FNDC3B: variants seen among roughly 807,000 people sequenced by gnomAD.
FNDC3B encodes fibronectin type III domain-containing protein 3B.
FNDC3B carries 12 observed loss-of-function variants against 151.5 expected under a neutral mutation model. That is an observed-to-expected ratio of 0.08 (90% CI 0.05 to 0.13). FNDC3B has a LOEUF of 0.13. Among genes scored for constraint, FNDC3B ranks in the 10% least tolerant of loss-of-function variants. FNDC3B has a pLI of 1.00. For missense variants in FNDC3B, 1,214 were observed against 1,505.3 expected, an observed-to-expected ratio of 0.81 and a Z score of 3.20; for synonymous variants, 528 against 549.0, an observed-to-expected ratio of 0.96 and a Z score of 0.54.
intron 1 of FNDC3B, among the ~76,000 whole-genome samples, chr3:172,103,714 A>C (rs553791937): frequency 6.6e-6 from 1 of 152,300 alleles, no homozygotes; most frequent in East Asian, 1.9e-4. Flanking sequence ...TGTGGATTTA[A>C]ATGCTCCCGA....
intron 3 of FNDC3B, among the ~76,000 whole-genome samples, chr3:172,162,806 A>G (rs1722844209): frequency 1.3e-5 from 2 of 152,132 alleles, no homozygotes; most frequent in Non-Finnish European, 2.9e-5. Flanking sequence ...AGCTGTAATG[A>G]AATTCTGTGC....
At chr3:172,319,258 G>A (rs1731965472) in intron 11 of FNDC3B, among the ~76,000 whole-genome samples, 1 of 152,164 alleles carries the variant, frequency 6.6e-6, no homozygotes, top group Non-Finnish European at 1.5e-5. Flanking sequence ...CCATCCCTTG[G>A]TTCATTTGTA....
At position 172,146,831 on chromosome 3, in the gene FNDC3B, A is replaced by G. The variant is rs182151760; in HGVS notation, c.187+13285A>G. 5.3e-5 allele frequency among the ~76,000 whole-genome samples: 8 copies of G among 152,374 alleles called. No homozygotes were observed. The East Asian group carries it at 1.3e-3, about 26-fold the overall frequency. ...GTTATAAGCTTCTAAGTAATAAACA[A>G]GAACCATCAGACAGAAATATGAGTT... On this transcript the variant is annotated intron_variant, in intron 3 of 25. Transcript: ENST00000415807.
chr3:172,093,907 T>G (rs1008372125), intron 1 of FNDC3B, among the ~76,000 whole-genome samples: 2 of 152,226 alleles, frequency 1.3e-5, no homozygotes, highest in African/African-American at 4.8e-5. Flanking sequence ...TAAACAGCTG[T>G]ATTGAGATAT....
chr3:172,205,602 G>A (rs1725383702), intron 3 of FNDC3B, among the ~76,000 whole-genome samples: 1 of 152,174 alleles, frequency 6.6e-6, no homozygotes, highest in South Asian at 2.1e-4. Context: ...AATTACTACA[G>A]CACTACGGTT....
At chr3:172,186,597 T>C (rs1021373015) in intron 3 of FNDC3B, 57 of 632,292 alleles carry the variant, frequency 9.0e-5, no homozygotes, top group African/African-American at 8.9e-4. Flanking sequence ...TTTTTACTCT[T>C]ATTTTATAAA....
chr3:172,186,098 T>C (rs951312286), intron 3 of FNDC3B, among the ~76,000 whole-genome samples: 2 of 152,218 alleles, frequency 1.3e-5, no homozygotes, highest in Non-Finnish European at 2.9e-5. Context: ...ATTTCAAAAG[T>C]TGGGAAGCTT....
rs561380030 is a variant in FNDC3B, at chr3:172,040,941, G to T, written c.-29+1170G>T. ...TTCCAGGAGTGCGCGGTCGGAGTTGGAGCTTTTGGAATCTCAGCTCCCACC... is the reference window on the plus strand; with the variant it reads ...TTCCAGGAGTGCGCGGTCGGAGTTGTAGCTTTTGGAATCTCAGCTCCCACC... On this transcript the variant is annotated intron_variant, in intron 1 of 25. Coordinates refer to ENST00000415807, the MANE Select transcript of FNDC3B (RefSeq NM_022763.4). This position sits in a 1 kb window ranked among gnomAD's most constrained non-coding sequence, Gnocchi z 6.6. Among the ~76,000 whole-genome samples the T allele has an allele frequency of 6.6e-5, 10 of 152,304 alleles. No homozygotes were observed. In the South Asian group the frequency reaches 2.1e-3, roughly 32 times the overall value.
intron 2 of FNDC3B, among the ~76,000 whole-genome samples, chr3:172,121,751 A>G (rs972391315): frequency 6.6e-6 from 1 of 152,178 alleles, no homozygotes; most frequent in African/African-American, 2.4e-5. Flanking sequence ...GTAAGTATTT[A>G]AGACAGGGTC....
chr3:172,305,438 A>T (rs1367293967), intron 9 of FNDC3B, among the ~76,000 whole-genome samples: 1 of 152,184 alleles, frequency 6.6e-6, no homozygotes, highest in Non-Finnish European at 1.5e-5. Flanking sequence ...TTCCACAAGT[A>T]TGAGTTTGGC....
intron 3 of FNDC3B, among the ~76,000 whole-genome samples, chr3:172,169,174 T>G (rs1723166932): frequency 6.6e-6 from 1 of 152,144 alleles, no homozygotes; most frequent in Non-Finnish European, 1.5e-5. Context: ...ACGTCAGCAC[T>G]CGGTCATGTC....
intron 3 of FNDC3B, among the ~76,000 whole-genome samples, chr3:172,215,549 C>A (rs1337829344): frequency 2.0e-5 from 3 of 152,170 alleles, no homozygotes; most frequent in Non-Finnish European, 4.4e-5. Context: ...CATGGTGAAA[C>A]CCTGTCTCTA....
At chr3:172,149,387 A>T (rs935548152) in intron 3 of FNDC3B, among the ~76,000 whole-genome samples, 9 of 152,234 alleles carry the variant, frequency 5.9e-5, no homozygotes, top group Non-Finnish European at 1.0e-4. Flanking sequence ...CTTACCATTT[A>T]GTCTGGTTCC....
intron 3 of FNDC3B, among the ~76,000 whole-genome samples, chr3:172,209,594 C>T (rs993483293): frequency 2.6e-5 from 4 of 152,100 alleles, no homozygotes; most frequent in Non-Finnish European, 5.9e-5. Context: ...CACAGGCGGG[C>T]CTGGAAAAAG....
chr3:172,395,304 T>G (rs1434582322), intron 25 of FNDC3B, among the ~76,000 whole-genome samples: 1 of 152,240 alleles, frequency 6.6e-6, no homozygotes, highest in East Asian at 1.9e-4. Context: ...CTGATTATCA[T>G]TTCCTCTTAA....
chr3:172,388,429 T>C (rs1213951842), intron 25 of FNDC3B, among the ~76,000 whole-genome samples: 1 of 152,222 alleles, frequency 6.6e-6, no homozygotes, highest in African/African-American at 2.4e-5. Flanking sequence ...ATAATGTTTC[T>C]ATACTTATTA....
chr3:172,102,207 T>G (rs561972944), intron 1 of FNDC3B, among the ~76,000 whole-genome samples: 1 of 152,344 alleles, frequency 6.6e-6, no homozygotes, highest in South Asian at 2.1e-4. Flanking sequence ...AAATTATTTC[T>G]TTAGCCTTAG....
At chr3:172,196,514 G>C (rs915097357) in intron 3 of FNDC3B, among the ~76,000 whole-genome samples, 1 of 152,054 alleles carries the variant, frequency 6.6e-6, no homozygotes, top group Non-Finnish European at 1.5e-5. Flanking sequence ...CTTTTTCCTT[G>C]AGTTTAGAGT....
Position 172,112,542 on chromosome 3 carries a change from A to T in FNDC3B, c.63A>T (p.Gly21=), listed in dbSNP as rs1169495604. 1 of 1,614,038 alleles carries T rather than the reference A, an allele frequency of 6.2e-7. No individual in the cohort carries two copies. Among genetic ancestry groups the T allele is most frequent in the Admixed American group, 1.7e-5 (1 of 60,002 alleles). The change falls in exon 2 of 26, where the codon GGA becomes GGT. Residue 21 remains glycine, a synonymous_variant. Transcript: ENST00000415807. ...TGGAACTGCCACCATTGCTGAACGG[A>T]GAGGTAGCCATGATGCCCCACTTGG... is the stretch of plus-strand genomic sequence containing the variant. The part of the protein sequence containing the change: ...IPLELPPLLN[G]EVAMMPHLVN...
Sources: gnomAD v4.1 joint callset for allele counts (sites outside exome capture counted in the v4.1 genomes callset) on GRCh38, gnomAD v4.1.1 for gene constraint, Gnocchi (gnomAD v3.1) non-coding constraint, MANE v1.5 for transcripts, NCBI Gene and HGNC (gene_info 2026-07-23, HGNC 2026-07-21) for gene names.